COL19A1: variants seen among roughly 807,000 people sequenced by gnomAD.
COL19A1 encodes collagen type XIX alpha 1 chain.
Under a neutral mutation model 190.2 loss-of-function variants are expected in COL19A1, and 159 were observed. That is an observed-to-expected ratio of 0.84 (90% CI 0.73 to 0.95). COL19A1 has a LOEUF of 0.95. COL19A1 is among the 40% of genes least tolerant of loss of function. COL19A1 has a pLI of 0.00. For synonymous variants in COL19A1, 509 were observed against 458.9 expected, an observed-to-expected ratio of 1.11 and a Z score of -1.39; for missense variants, 1,418 against 1,431.9, an observed-to-expected ratio of 0.99 and a Z score of 0.16.
chr6:69,879,935 A>G (rs1768408178), intron 2 of COL19A1: 1 of 431,326 alleles, frequency 2.3e-6, no homozygotes, highest in East Asian at 3.4e-5. Context: ...CTGTGTGTAT[A>G]TATGACATTA....
chr6:70,146,909 G>A lies in COL19A1; in HGVS notation c.1893+20G>A, dbSNP rs929921001. The A allele has an allele frequency of 5.2e-6, 8 of 1,546,800 alleles. No homozygotes were observed. Among genetic ancestry groups the A allele is most frequent in the Admixed American group, 2.2e-5 (1 of 44,726 alleles). On this transcript the variant is annotated intron_variant, in intron 27 of 50. Coordinates refer to ENST00000620364, the MANE Select transcript of COL19A1 (RefSeq NM_001858.6). Reference sequence around the variant, plus strand: ...AGAACAGTAAGTGAAATTCATTCGAGTCCTTGTTGATTCCAACATTGTGAA... The same window carrying A: ...AGAACAGTAAGTGAAATTCATTCGAATCCTTGTTGATTCCAACATTGTGAA...
chr6:69,960,398 G>A (rs1230719872), intron 10 of COL19A1, among the ~76,000 whole-genome samples: 1 of 152,070 alleles, frequency 6.6e-6, no homozygotes, highest in African/African-American at 2.4e-5. Context: ...GTTACCTCTT[G>A]CTTATCTTCT....
chr6:70,066,458 G>C (rs1368196978), intron 14 of COL19A1, among the ~76,000 whole-genome samples: 1 of 152,024 alleles, frequency 6.6e-6, no homozygotes, highest in African/African-American at 2.4e-5. Context: ...TGGGGTGGGG[G>C]GAGTGGGGAG....
chr6:69,880,604 A>G (rs1214322622), intron 2 of COL19A1, among the ~76,000 whole-genome samples: 1 of 152,206 alleles, frequency 6.6e-6, no homozygotes, highest in East Asian at 1.9e-4. Context: ...GATCTAACAC[A>G]TCGTAGTCTT....
chr6:69,887,955 C>T (rs923867009), intron 2 of COL19A1, among the ~76,000 whole-genome samples: 1 of 152,148 alleles, frequency 6.6e-6, no homozygotes, highest in Non-Finnish European at 1.5e-5. Flanking sequence ...CTCCAAGGAC[C>T]CCCTCTCACC....
At chr6:70,063,250 A>G (rs1218507462) in intron 14 of COL19A1, among the ~76,000 whole-genome samples, 1 of 152,212 alleles carries the variant, frequency 6.6e-6, no homozygotes, top group East Asian at 1.9e-4. Flanking sequence ...TCCTCAGCAA[A>G]TGTAAAAGAA....
intron 11 of COL19A1, among the ~76,000 whole-genome samples, chr6:69,965,721 A>G (rs2150049591): frequency 6.6e-6 from 1 of 152,284 alleles, no homozygotes; most frequent in African/African-American, 2.4e-5. Flanking sequence ...ACTCTCTCAG[A>G]TGACAGCTAT....
chr6:69,962,892 C>T lies in COL19A1; in HGVS notation c.1026+22C>T, dbSNP rs140811577. The T allele has an allele frequency of 2.8e-4, 448 of 1,575,158 alleles. 2 individuals carry two copies. The African/African-American group carries it at 5.3e-3, about 19-fold the overall frequency. On this transcript the variant is annotated intron_variant, in intron 11 of 50. Coordinates refer to ENST00000620364, the MANE Select transcript of COL19A1 (RefSeq NM_001858.6). ...AAAGGTAAATATCTCTTTTTACATT[C>T]ACATCTGTAAAAAGAAATTGTTCTT...
chr6:70,196,585 C>T (rs551939420), intron 48 of COL19A1, among the ~76,000 whole-genome samples: 15 of 152,204 alleles, frequency 9.9e-5, no homozygotes, highest in Non-Finnish European at 1.3e-4. Context: ...CTCTAAAATA[C>T]GTAGTTTATC....
chr6:70,169,710 C>T (rs1476535462), intron 40 of COL19A1, among the ~76,000 whole-genome samples: 2 of 152,132 alleles, frequency 1.3e-5, no homozygotes, highest in East Asian at 3.9e-4. Flanking sequence ...ATTCATTCAC[C>T]CTGTCTACCC....
At chr6:70,189,654 G>A (rs1273165714) in intron 47 of COL19A1, among the ~76,000 whole-genome samples, 1 of 152,148 alleles carries the variant, frequency 6.6e-6, no homozygotes, top group African/African-American at 2.4e-5. Context: ...TTTGTCAAAT[G>A]CATGTGGATT....
At chr6:70,145,540 A>G (rs1441419130) in intron 25 of COL19A1, among the ~76,000 whole-genome samples, 1 of 152,088 alleles carries the variant, frequency 6.6e-6, no homozygotes, top group Non-Finnish European at 1.5e-5. Context: ...GGGAGAGTTG[A>G]AGGGAGGCAA....
chr6:69,974,864 G>A (rs1775626260), intron 11 of COL19A1, among the ~76,000 whole-genome samples: 1 of 140,838 alleles, frequency 7.1e-6, no homozygotes, highest in East Asian at 2.1e-4. Flanking sequence ...CCAGGCTGGA[G>A]TGCAGTGGAG....
intron 15 of COL19A1, among the ~76,000 whole-genome samples, chr6:70,091,376 G>A (rs1582888666): frequency 6.6e-6 from 1 of 152,234 alleles, no homozygotes; most frequent in East Asian, 1.9e-4. Context: ...TGTCCCCACT[G>A]GTATATAAGC....
At chr6:69,912,867 C>T (rs555470022) in intron 4 of COL19A1, among the ~76,000 whole-genome samples, 4 of 152,284 alleles carry the variant, frequency 2.6e-5, no homozygotes, top group East Asian at 3.9e-4. Flanking sequence ...GCAGGCAGAT[C>T]GCTTGAGCCC....
chr6:69,971,419 T>C (rs561862446), intron 11 of COL19A1, among the ~76,000 whole-genome samples: 172 of 152,186 alleles, frequency 1.1e-3, no homozygotes, highest in African/African-American at 4.0e-3. Context: ...AGGTGACCGA[T>C]AAAGAGGCCA....
intron 14 of COL19A1, among the ~76,000 whole-genome samples, chr6:70,041,740 A>C (rs114769986): frequency 8.1e-4 from 123 of 152,238 alleles, no homozygotes; most frequent in Middle Eastern, 3.4e-3. Context: ...AATGTTCTAA[A>C]CTATTGCAAA....
chr6:69,986,317 T>C (rs1776316601), intron 11 of COL19A1, among the ~76,000 whole-genome samples: 1 of 151,104 alleles, frequency 6.6e-6, no homozygotes. Flanking sequence ...GATTATATGT[T>C]TCAGTTTAAG....
At position 69,942,925 on chromosome 6, in the gene COL19A1, A is replaced by G. The variant is rs541178690; in HGVS notation, c.936+4825A>G. On this transcript the variant is annotated intron_variant, in intron 9 of 50. Transcript: ENST00000620364. Reference sequence around the variant, plus strand: ...CCTTTGGATACATATCCCCAGTGGGATTTCTGGATCACATGGTAGTTCCAT... The same window carrying G: ...CCTTTGGATACATATCCCCAGTGGGGTTTCTGGATCACATGGTAGTTCCAT... Among the ~76,000 whole-genome samples, 69 of 152,180 alleles carry G rather than the reference A, an allele frequency of 4.5e-4. 1 individual carries two copies. The South Asian group carries it at 0.011, about 23-fold the overall frequency.
Sources: gnomAD v4.1 joint callset for allele counts (sites outside exome capture counted in the v4.1 genomes callset) on GRCh38, gnomAD v4.1.1 for gene constraint, MANE v1.5 for transcripts, NCBI Gene and HGNC (gene_info 2026-07-23, HGNC 2026-07-21) for gene names.